ZNF395: variants seen among roughly 807,000 people sequenced by gnomAD.
ZNF395 encodes HD gene regulatory region-binding protein 2.
A neutral mutation model predicts 57.7 loss-of-function variants in ZNF395; 20 were observed. The ratio of observed to expected loss-of-function variants is 0.35; its 90% CI spans 0.24 to 0.50. ZNF395 has a LOEUF of 0.50. Ranked by LOEUF, ZNF395 falls within the 20% of genes least tolerant of loss-of-function variation. The pLI, the probability that ZNF395 is intolerant of heterozygous loss-of-function variation, is 0.97. For missense variants in ZNF395, 606 were observed against 671.2 expected, an observed-to-expected ratio of 0.90 and a Z score of 1.07; for synonymous variants, 295 against 275.9, an observed-to-expected ratio of 1.07 and a Z score of -0.69.
chr8:28,377,244 T>A (rs764801383), intron 1 of ZNF395, among the ~76,000 whole-genome samples: 112 of 152,166 alleles, frequency 7.4e-4, no homozygotes, highest in Non-Finnish European at 1.5e-3. Flanking sequence ...TGCAAAAATT[T>A]AAAAAAAATT....
chr8:28,359,708 C>T lies in ZNF395; in HGVS notation c.357G>A (p.Val119=), dbSNP rs756093186. The T allele has an allele frequency of 1.9e-6, 3 of 1,614,118 alleles. No individual in the cohort carries two copies. Among genetic ancestry groups the T allele is most frequent in the Non-Finnish European group, 2.5e-6 (3 of 1,180,042 alleles). Residue 119 remains valine (V), a synonymous_variant, in exon 3 of 10, where the codon GTG becomes GTA. Coordinates refer to ENST00000344423, the MANE Select transcript of ZNF395 (RefSeq NM_018660.3). The surrounding 1 kb of genome is among the most constrained non-coding windows in gnomAD (Gnocchi z 4.7). ...GCAGCTCTGCCAGCCACACCTCCTC[C>T]ACCCTGCAGCAGACCTGCAGCTTCT... The part of the protein sequence containing the change: ...LEQKLQVCCR[V]EEVWLAELQG...
rs1303930892 is a variant in ZNF395, at chr8:28,347,660, C to T, written c.*1059G>A. 2 of 152,230 alleles carry T rather than the reference C, an allele frequency of 1.3e-5. No individual in the cohort carries two copies. Among genetic ancestry groups the T allele is most frequent in the East Asian group, 3.9e-4 (2 of 5,186 alleles). The allele number at this position is 152,230 out of a possible 1,614,324, so 9.4% of individuals were successfully genotyped here. On this transcript the variant is annotated 3_prime_UTR_variant, in exon 10 of 10. Coordinates refer to ENST00000344423, the MANE Select transcript of ZNF395 (RefSeq NM_018660.3). ...GGTGCAAGGACTCTCCTTGGCCTTCCTCATCCTGCTTTCAGGCAGCAAACA... is the reference window on the plus strand; with the variant it reads ...GGTGCAAGGACTCTCCTTGGCCTTCTTCATCCTGCTTTCAGGCAGCAAACA...
At chr8:28,381,781 C>A (rs1291914512) in intron 1 of ZNF395, among the ~76,000 whole-genome samples, 1 of 152,156 alleles carries the variant, frequency 6.6e-6, no homozygotes, top group African/African-American at 2.4e-5. Flanking sequence ...GAGATCCCTG[C>A]CAGCCAGAAG....
intron 1 of ZNF395, among the ~76,000 whole-genome samples, chr8:28,380,890 G>C (rs1434246741): frequency 6.6e-6 from 1 of 152,190 alleles, no homozygotes; most frequent in Non-Finnish European, 1.5e-5. Context: ...CTGTTGCCCA[G>C]GCTGGAGTGC....
Position 28,356,922 on chromosome 8 carries a change from A to C in ZNF395, c.474-143T>G. ...GTCCCCTCCAAGTGCCCCCAACTCCAATCAGCCAGTGTGTGCTCAGATCAT... is the reference window on the plus strand; with the variant it reads ...GTCCCCTCCAAGTGCCCCCAACTCCCATCAGCCAGTGTGTGCTCAGATCAT... On this transcript the variant is annotated intron_variant, in intron 3 of 9. Transcript: ENST00000344423. The surrounding 1 kb of genome is among the most constrained non-coding windows in gnomAD (Gnocchi z 4.0). The C allele has an allele frequency of 1.6e-6, 1 of 636,966 alleles. No homozygotes were observed. Among genetic ancestry groups the C allele is most frequent in the Non-Finnish European group, 2.8e-6 (1 of 360,744 alleles). The allele number at this position is 636,966 out of a possible 1,614,324, so 39.5% of individuals were successfully genotyped here. A position where few individuals can be genotyped will look rare whatever the true frequency, so the allele number is the denominator to read the frequency against.
chr8:28,362,298 G>T (rs543449157), intron 1 of ZNF395, among the ~76,000 whole-genome samples: 1 of 152,158 alleles, frequency 6.6e-6, no homozygotes, highest in South Asian at 2.1e-4. Flanking sequence ...AGAAGGGGAC[G>T]AGTCAGACCC....
intron 1 of ZNF395, among the ~76,000 whole-genome samples, chr8:28,373,478 C>T (rs1025401693): frequency 3.3e-5 from 5 of 151,584 alleles, no homozygotes; most frequent in African/African-American, 1.2e-4. Context: ...CATCATGCTT[C>T]CAAACGCCTC....
intron 7 of ZNF395, among the ~76,000 whole-genome samples, chr8:28,350,542 T>C (rs538959678): frequency 6.6e-6 from 1 of 152,330 alleles, no homozygotes; most frequent in African/African-American, 2.4e-5. Context: ...AGATATGGGA[T>C]CTTCCAGCAA....
rs533758831 is a variant in ZNF395 at position 28,368,157 on chromosome 8, G to A, written c.-58-6975C>T. Among the ~76,000 whole-genome samples the A allele has an allele frequency of 1.5e-4, 23 of 152,214 alleles. No individual in the cohort carries two copies. The South Asian group carries it at 4.8e-3, about 32-fold the overall frequency. On this transcript the variant is annotated intron_variant, in intron 1 of 9. Coordinates refer to ENST00000344423, the MANE Select transcript of ZNF395 (RefSeq NM_018660.3). ...GGGGAGATGGATGATTGCTGACTTG[G>A]CATTTTACCCAGAGCCAGGACTGGA...
At chr8:28,353,559 C>T in intron 4 of ZNF395, 151 bp from the exon 5 acceptor site, 1 of 611,732 alleles carries the variant, frequency 1.6e-6, no homozygotes, top group South Asian at 2.2e-5. Flanking sequence ...CATTTCCTAC[C>T]ATAGCCACCT....
intron 1 of ZNF395, among the ~76,000 whole-genome samples, chr8:28,381,288 G>A (rs879375755): frequency 1.2e-4 from 18 of 152,058 alleles, no homozygotes; most frequent in African/African-American, 1.7e-4. Context: ...TGATCCGCCC[G>A]CCTCAGCCTC....
At position 28,349,237 on chromosome 8, in the gene ZNF395, G is replaced by A. The variant is rs749641729; in HGVS notation, c.1327-9C>T. ...AGCGACCGGCTCCGGACCTGGGCGT[G>A]GGGAGAGGGGCTGTGAGCACAGGGA... On this transcript the variant is annotated splice_polypyrimidine_tract_variant and intron_variant, in intron 8 of 9. Coordinates refer to ENST00000344423, the MANE Select transcript of ZNF395 (RefSeq NM_018660.3). The A allele has an allele frequency of 8.5e-6, 13 of 1,528,370 alleles. No individual in the cohort carries two copies. Among genetic ancestry groups the A allele is most frequent in the African/African-American group, 1.4e-5 (1 of 71,964 alleles). The allele number at this position is 1,528,370 out of a possible 1,614,324, so 94.7% of individuals were successfully genotyped here.
chr8:28,381,361 T>C (rs565910301), intron 1 of ZNF395, among the ~76,000 whole-genome samples: 1 of 152,266 alleles, frequency 6.6e-6, no homozygotes, highest in South Asian at 2.1e-4. Context: ...TTTTTATCTT[T>C]TGTAGAGACA....
chr8:28,362,831 G>C (rs1801866364), intron 1 of ZNF395, among the ~76,000 whole-genome samples: 1 of 152,150 alleles, frequency 6.6e-6, no homozygotes. Context: ...TGAGTAAAGG[G>C]GCAAAATGCT....
intron 7 of ZNF395, among the ~76,000 whole-genome samples, chr8:28,350,779 A>G (rs946395242): frequency 6.6e-6 from 1 of 152,250 alleles, no homozygotes; most frequent in Admixed American, 6.5e-5. Context: ...TGGCCCACAG[A>G]CTGATAAAAT....
chr8:28,359,955 A>G lies in ZNF395; in HGVS notation c.241-131T>C, dbSNP rs994767174. On this transcript the variant is annotated intron_variant, in intron 2 of 9. Transcript: ENST00000344423. The surrounding 1 kb of genome is among the most constrained non-coding windows in gnomAD (Gnocchi z 4.7). ...ATGTTCTCTGCCTCACTCATCTTTTATTCAAGCAGATGTTCCCAGGTACTC... is the reference window on the plus strand; with the variant it reads ...ATGTTCTCTGCCTCACTCATCTTTTGTTCAAGCAGATGTTCCCAGGTACTC... 7.1e-6 allele frequency: 10 copies of G among 1,401,430 alleles called. No individual in the cohort carries two copies. Among genetic ancestry groups the G allele is most frequent in the Middle Eastern group, 3.8e-4 (2 of 5,240 alleles). The allele number at this position is 1,401,430 out of a possible 1,614,324, so 86.8% of individuals were successfully genotyped here.
chr8:28,379,523 C>T lies in ZNF395; in HGVS notation c.-59+6870G>A, dbSNP rs978066456. On this transcript the variant is annotated intron_variant, in intron 1 of 9. Transcript: ENST00000344423. ...TCTCTGAAAAAAATAAAAATAGAAACAAATAAAAATAAAAGCCTCATCCAC... is the reference window on the plus strand; with the variant it reads ...TCTCTGAAAAAAATAAAAATAGAAATAAATAAAAATAAAAGCCTCATCCAC... Among the ~76,000 whole-genome samples, 5 of 152,044 alleles carry T rather than the reference C, an allele frequency of 3.3e-5. 1 individual carries two copies.
intron 1 of ZNF395, among the ~76,000 whole-genome samples, chr8:28,380,856 C>A (rs142315622): frequency 1.3e-5 from 2 of 152,192 alleles, no homozygotes; most frequent in African/African-American, 4.8e-5. Flanking sequence ...AAGCAGTATA[C>A]TTTTTCTTTG....
chr8:28,351,461 T>A, intron 7 of ZNF395, 34 bp downstream of exon 7: 1 of 1,547,384 alleles, frequency 6.5e-7, no homozygotes, highest in Non-Finnish European at 8.7e-7. Flanking sequence ...GAGTCAGCTA[T>A]GAGCCTGAGC....
Sources: gnomAD v4.1 joint callset for allele counts (sites outside exome capture counted in the v4.1 genomes callset) on GRCh38, gnomAD v4.1.1 for gene constraint, Gnocchi (gnomAD v3.1) non-coding constraint, MANE v1.5 for transcripts, NCBI Gene and HGNC (gene_info 2026-07-23, HGNC 2026-07-21) for gene names.